ATP9A: variants seen among roughly 807,000 people sequenced by gnomAD.
ATP9A encodes probable phospholipid-transporting ATPase IIA.
In ATP9A, 52 loss-of-function variants were observed where a neutral mutation model predicts 144.1. The ratio of observed to expected loss-of-function variants is 0.36; its 90% CI spans 0.29 to 0.45. The LOEUF (loss-of-function observed/expected upper bound fraction) is 0.45. Among genes scored for constraint, ATP9A ranks in the 20% least tolerant of loss-of-function variants. ATP9A has a pLI of 1.00. For synonymous variants in ATP9A, 582 were observed against 557.4 expected, an observed-to-expected ratio of 1.04 and a Z score of -0.62; for missense variants, 947 against 1,392.7, an observed-to-expected ratio of 0.68 and a Z score of 5.09.
At chr20:51,676,244 A>G in intron 9 of ATP9A, 36 bp from the exon 10 acceptor site, 3 of 1,484,376 alleles carry the variant, frequency 2.0e-6, no homozygotes, top group Non-Finnish European at 2.8e-6. Flanking sequence ...AAAAGAAAAG[A>G]AATATTAATA....
intron 15 of ATP9A, among the ~76,000 whole-genome samples, chr20:51,635,760 AG>A (rs1353295260): frequency 1.6e-4 from 21 of 131,530 alleles, no homozygotes; most frequent in Non-Finnish European, 2.8e-4. Flanking sequence ...GAAAAAGAGA[AG>A]AGAAAAGAAA....
At position 51,676,224 on chromosome 20, in the gene ATP9A, G is replaced by GAAAAAAAAAAAAAA; in HGVS notation, c.800-17_800-16insTTTTTTTTTTTTTT. On this transcript the variant is annotated splice_polypyrimidine_tract_variant and intron_variant, in intron 9 of 27. Transcript: ENST00000338821. ...ACAACAGTACCTAAAATGGAAAAAA[G>GAAAAAAAAAAAAAA]AAAAAAAAAAAAAGAAAAGAAATAT... 8.2e-7 allele frequency: 1 copy of GAAAAAAAAAAAAAA among 1,223,428 alleles called. No homozygotes were observed. Among genetic ancestry groups the GAAAAAAAAAAAAAA allele is most frequent in the East Asian group, 2.8e-5 (1 of 35,620 alleles). The allele number at this position is 1,223,428 out of a possible 1,614,324, so 75.8% of individuals were successfully genotyped here. A position where few individuals can be genotyped will look rare whatever the true frequency, so the allele number is the denominator to read the frequency against.
rs755100971 is a variant in ATP9A, at chr20:51,613,816, G to C, written c.2432C>G (p.Ser811Trp). ...AGTGATGGAGAAGTCTGCAGCCAACGAAGCCTGTTTTCCTTCCTAAAATCC... is the reference window on the plus strand; with the variant it reads ...AGTGATGGAGAAGTCTGCAGCCAACCAAGCCTGTTTTCCTTCCTAAAATCC... ...GVEGKEGKQA[S>W]LAADFSITQF... Residue 811 changes from serine to tryptophan, a missense_variant, in exon 23 of 28, where the codon TCG (serine) becomes TGG (tryptophan). Physicochemically the swap from Ser to Trp is radical, Grantham distance 177. Around this residue, in one of 2 missense-constraint regions of ATP9A, gnomAD observed 177 missense variants for 344.9 expected, o/e 0.51. Coordinates refer to ENST00000338821, the MANE Select transcript of ATP9A (RefSeq NM_006045.3). 1.2e-6 allele frequency: 2 copies of C among 1,612,786 alleles called. No homozygotes were observed.
rs147110013 is a variant in ATP9A at position 51,689,071 on chromosome 20, G to T, written c.792C>A (p.Val264=). ...CTCAAAACGGCGCCTCACCTGATGC[G>T]ACCACAGTGCCAGCCCACAGCGTGT... ...IENTLWAGTV[V]ASGTVVGVVL... Residue 264 remains valine, a synonymous_variant, in exon 9 of 28, where the codon GTC becomes GTA. Coordinates refer to ENST00000338821, the MANE Select transcript of ATP9A (RefSeq NM_006045.3). 16 of 1,613,776 alleles carry T rather than the reference G, an allele frequency of 9.9e-6. No homozygotes were observed. Among genetic ancestry groups the T allele is most frequent in the Non-Finnish European group, 1.4e-5 (16 of 1,179,972 alleles).
At chr20:51,745,614 TA>T (rs1413421109) in intron 1 of ATP9A, among the ~76,000 whole-genome samples, 2 of 152,028 alleles carry the variant, frequency 1.3e-5, no homozygotes, top group Non-Finnish European at 2.9e-5. Flanking sequence ...GGGATACTGC[TA>T]AACATCCTAC....
At chr20:51,608,862 A>G (rs2077174004) in intron 24 of ATP9A, among the ~76,000 whole-genome samples, 2 of 151,338 alleles carry the variant, frequency 1.3e-5, no homozygotes, top group Admixed American at 6.6e-5. Context: ...AATTAGGTAA[A>G]CTCTATGTGT....
intron 17 of ATP9A, among the ~76,000 whole-genome samples, chr20:51,627,010 T>TCA (rs1179569913): frequency 6.3e-5 from 9 of 142,784 alleles, no homozygotes; most frequent in Non-Finnish European, 1.3e-4. Context: ...TGAGCCAAGA[T>TCA]CACACCACTG....
At chr20:51,625,496 C>A in intron 17 of ATP9A, 134 bp from the exon 18 acceptor site, 1 of 1,003,138 alleles carries the variant, frequency 1.0e-6, no homozygotes, top group Non-Finnish European at 1.4e-6. Context: ...TGAGCTGGAC[C>A]CCACAGGGGT....
chr20:51,756,028 A>AGATAC (rs2077854390), intron 1 of ATP9A, among the ~76,000 whole-genome samples: 2 of 152,176 alleles, frequency 1.3e-5, no homozygotes, highest in African/African-American at 4.8e-5. Context: ...TAACACTAAG[A>AGATAC]GATACTGCAC....
intron 14 of ATP9A, among the ~76,000 whole-genome samples, chr20:51,642,774 C>G (rs1417306202): frequency 7.5e-6 from 1 of 132,642 alleles, no homozygotes. Flanking sequence ...ACCTGGCGTT[C>G]CTCTTGAGTT....
chr20:51,635,818 AAGGAAGGG>A (rs1441999107), intron 15 of ATP9A, among the ~76,000 whole-genome samples: 2 of 101,558 alleles, frequency 2.0e-5, no homozygotes, highest in African/African-American at 7.2e-5. Context: ...GGAAGGAAGG[AAGGAAGGG>A]AGGGAGGGAG....
chr20:51,757,185 G>A (rs761098055), intron 1 of ATP9A, among the ~76,000 whole-genome samples: 4 of 152,008 alleles, frequency 2.6e-5, no homozygotes, highest in African/African-American at 7.2e-5. Flanking sequence ...TCGGCCAGGC[G>A]CAGCATATTT....
intron 1 of ATP9A, among the ~76,000 whole-genome samples, chr20:51,754,723 T>C (rs1303702546): frequency 6.6e-6 from 1 of 151,158 alleles, no homozygotes; most frequent in Non-Finnish European, 1.5e-5. Flanking sequence ...GGCTGAGGCA[T>C]GAGAATTGCT....
chr20:51,744,541 A>G (rs556294079), intron 1 of ATP9A, among the ~76,000 whole-genome samples: 63 of 152,368 alleles, frequency 4.1e-4, no homozygotes, highest in African/African-American at 1.4e-3. Context: ...TTAACAGCAG[A>G]TAGTCTGCTA....
chr20:51,640,219 G>A lies in ATP9A; in HGVS notation c.1507-715C>T, dbSNP rs73267764. 1.8e-3 allele frequency among the ~76,000 whole-genome samples: 276 copies of A among 152,242 alleles called. 1 individual carries two copies. The highest frequency in any genetic ancestry group is 6.4e-3 in the African/African-American group (267 of 41,540). On this transcript the variant is annotated intron_variant, in intron 14 of 27. Coordinates refer to ENST00000338821, the MANE Select transcript of ATP9A (RefSeq NM_006045.3). ...AGAATGCTGACTGACACAGCCCTTC[G>A]CCTTCAGGCTCTCCTTTCAGCCTCA...
intron 4 of ATP9A, among the ~76,000 whole-genome samples, chr20:51,699,977 T>G (rs568001018): frequency 6.6e-6 from 1 of 151,850 alleles, no homozygotes; most frequent in Non-Finnish European, 1.5e-5. Context: ...CAACTAACAA[T>G]GGCGAGCTGA....
rs11477336 is a variant in ATP9A, at chr20:51,658,888, CGGGG to C, written c.1294-1742_1294-1739del. Reference sequence around the variant, plus strand: ...ATATAATGAAAATTAAGACCACTGGCGGGGGGGGGGGGGGGAAGGCTCATTGTTG... The same window carrying C: ...ATATAATGAAAATTAAGACCACTGGCGGGGGGGGGGGAAGGCTCATTGTTG... On this transcript the variant is annotated intron_variant, in intron 13 of 27. Coordinates refer to ENST00000338821, the MANE Select transcript of ATP9A (RefSeq NM_006045.3). Among the ~76,000 whole-genome samples the C allele has an allele frequency of 9.3e-4, 51 of 54,848 alleles. 11 individuals are homozygous for C. Among genetic ancestry groups the C allele is most frequent in the East Asian group, 3.4e-3 (1 of 292 alleles). The allele number at this position is 54,848 out of a possible 152,430, so 36.0% of individuals were successfully genotyped here.
chr20:51,693,416 G>A (rs984560325), intron 7 of ATP9A, among the ~76,000 whole-genome samples: 7 of 152,182 alleles, frequency 4.6e-5, no homozygotes, highest in South Asian at 2.1e-4. Context: ...CACTGAGGTC[G>A]GAGCCTCTGC....
At chr20:51,658,367 G>C (rs1029680418) in intron 13 of ATP9A, among the ~76,000 whole-genome samples, 7 of 151,924 alleles carry the variant, frequency 4.6e-5, no homozygotes, top group Admixed American at 4.6e-4. Flanking sequence ...GGCAGGAGAG[G>C]AGTGAACTAG....
Sources: allele counts gnomAD v4.1 joint callset (sites outside exome capture counted in the v4.1 genomes callset), GRCh38; gene constraint gnomAD v4.1.1; regional missense constraint gnomAD v4.1.1; transcripts MANE v1.5; gene names NCBI Gene and HGNC (gene_info 2026-07-23, HGNC 2026-07-21).